Variants in RBMS1 observed in about 807,000 individuals in gnomAD.
RBMS1 encodes RNA-binding motif, single-stranded-interacting protein 1.
RBMS1 carries 17 observed loss-of-function variants against 62.3 expected under a neutral mutation model. That is an observed-to-expected ratio of 0.27 (90% CI 0.19 to 0.41). RBMS1 has a LOEUF of 0.41. RBMS1 is among the 10% of genes least tolerant of loss of function. The probability of loss-of-function intolerance (pLI) is 1.00; values close to 1 mark genes in which losing one functional copy is unlikely to be tolerated. For missense variants in RBMS1, 334 were observed against 504.5 expected (o/e 0.66, Z 3.24); for synonymous variants, 172 against 170.0 (o/e 1.01, Z -0.09).
At chr2:160,376,039 G>GT (rs1326615853) in intron 1 of RBMS1, among the ~76,000 whole-genome samples, 3 of 152,028 alleles carry the variant, frequency 2.0e-5, no homozygotes, top group Non-Finnish European at 1.5e-5. Flanking sequence ...CCTCCCAGCT[G>GT]TTTTTTAAAG....
intron 1 of RBMS1, among the ~76,000 whole-genome samples, chr2:160,465,097 A>T (rs527561786): frequency 6.6e-6 from 1 of 152,350 alleles, no homozygotes; most frequent in African/African-American, 2.4e-5. Context: ...AATCACCATG[A>T]CAAAAAGTCA....
chr2:160,354,806 A>G (rs2106009951), intron 2 of RBMS1, among the ~76,000 whole-genome samples: 1 of 152,240 alleles, frequency 6.6e-6, no homozygotes, highest in Non-Finnish European at 1.5e-5. Context: ...CCCTTAAGCA[A>G]TTTAGACAAG....
Position 160,493,322 on chromosome 2 carries a change from G to A in RBMS1, c.42C>T (p.Ala14=). Reference sequence around the variant, plus strand: ...GCAGATACTGGGGGTAATAGTAGGTGGCGTACTGAGGGTACATCTGCTGTT... The same window carrying A: ...GCAGATACTGGGGGTAATAGTAGGTAGCGTACTGAGGGTACATCTGCTGTT... ...VWKQQMYPQY[A]TYYYPQYLQA... Residue 14 remains alanine (A), a synonymous_variant, in exon 1 of 14, where the codon GCC becomes GCT. Transcript: ENST00000348849. 1 of 1,613,516 alleles carries A rather than the reference G, an allele frequency of 6.2e-7. No individual in the cohort carries two copies. The highest frequency in any genetic ancestry group is 8.5e-7 in the Non-Finnish European group (1 of 1,179,628).
rs74719146 is a variant in RBMS1 at position 160,379,017 on chromosome 2, C to T, written c.76-11626G>A. 1.1e-3 allele frequency among the ~76,000 whole-genome samples: 173 copies of T among 152,206 alleles called. 2 individuals carry two copies. Among genetic ancestry groups the T allele is most frequent in the Non-Finnish European group, 1.9e-3 (126 of 67,982 alleles). On this transcript the variant is annotated intron_variant, in intron 1 of 13. Coordinates refer to ENST00000348849, the MANE Select transcript of RBMS1 (RefSeq NM_016836.4). ...GGCAGACTGTTTGAGATCAGGAGTT[C>T]AAAACCAGCATGGGCAACATGGCAA...
At chr2:160,403,788 G>A (rs754255846) in intron 1 of RBMS1, among the ~76,000 whole-genome samples, 84 of 152,252 alleles carry the variant, frequency 5.5e-4, no homozygotes, top group Non-Finnish European at 7.4e-4. Context: ...TACATGCCAC[G>A]ATGTGCAGAA....
At chr2:160,475,973 C>T (rs562838982) in intron 1 of RBMS1, among the ~76,000 whole-genome samples, 1 of 151,928 alleles carries the variant, frequency 6.6e-6, no homozygotes, top group Non-Finnish European at 1.5e-5. Context: ...CCTCCCGCCT[C>T]AGCCTGTCAT....
chr2:160,434,581 T>A (rs1317698752), intron 1 of RBMS1, among the ~76,000 whole-genome samples: 1 of 152,132 alleles, frequency 6.6e-6, no homozygotes, highest in East Asian at 1.9e-4. Flanking sequence ...ATATTCTACA[T>A]CTGCAGTAAT....
chr2:160,423,218 TTTTTTCTTTCAA>T (rs71003498), intron 1 of RBMS1, among the ~76,000 whole-genome samples: 31,823 of 151,868 alleles, frequency 0.21, 3,902 homozygotes, highest in Admixed American at 0.37. Context: ...TTTCTTTTCT[TTTTTTCTTTCAA>T]TTTTTCTTGG....
chr2:160,363,255 A>C (rs568511145), intron 2 of RBMS1, among the ~76,000 whole-genome samples: 1 of 152,332 alleles, frequency 6.6e-6, no homozygotes, highest in East Asian at 1.9e-4. Context: ...AATCTGTTTA[A>C]GATGATACGC....
At chr2:160,402,097 C>A (rs1010903472) in intron 1 of RBMS1, 2 of 151,108 alleles carry the variant, frequency 1.3e-5, no homozygotes, top group African/African-American at 4.9e-5. Context: ...CCCGCTGTTG[C>A]TTGCTCTGTG....
chr2:160,454,470 G>C (rs1684128955), intron 1 of RBMS1, among the ~76,000 whole-genome samples: 2 of 152,186 alleles, frequency 1.3e-5, no homozygotes, highest in Admixed American at 6.5e-5. Flanking sequence ...TGAGGTCCTG[G>C]GGTACCAGGA....
chr2:160,344,859 C>T (rs1313014766), intron 2 of RBMS1, among the ~76,000 whole-genome samples: 1 of 152,104 alleles, frequency 6.6e-6, no homozygotes, highest in Non-Finnish European at 1.5e-5. Flanking sequence ...GCTTATTAAA[C>T]TGGACCTAGT....
At chr2:160,304,250 C>T (rs887976155) in intron 4 of RBMS1, among the ~76,000 whole-genome samples, 1 of 152,144 alleles carries the variant, frequency 6.6e-6, no homozygotes, top group African/African-American at 2.4e-5. Flanking sequence ...AGCTTTCCTA[C>T]TTAAGCAGTG....
chr2:160,330,207 C>T (rs1318109049), intron 2 of RBMS1, among the ~76,000 whole-genome samples: 1 of 152,008 alleles, frequency 6.6e-6, no homozygotes, highest in Admixed American at 6.5e-5. Flanking sequence ...GATGAAGAAA[C>T]CTGGGAAGAT....
intron 1 of RBMS1, among the ~76,000 whole-genome samples, chr2:160,455,634 A>G (rs1399106389): frequency 1.3e-5 from 2 of 151,962 alleles, no homozygotes; most frequent in African/African-American, 4.8e-5. Flanking sequence ...GAGAAGGGAG[A>G]GAAAATTATA....
intron 1 of RBMS1, among the ~76,000 whole-genome samples, chr2:160,373,223 T>C (rs2105171393): frequency 6.6e-6 from 1 of 152,314 alleles, no homozygotes; most frequent in Middle Eastern, 3.4e-3. Flanking sequence ...CCCAATATGT[T>C]TCACAATTAA....
chr2:160,375,843 T>G (rs1016586427), intron 1 of RBMS1, among the ~76,000 whole-genome samples: 1 of 151,786 alleles, frequency 6.6e-6, no homozygotes, highest in African/African-American at 2.4e-5. Flanking sequence ...ACACAGAGCC[T>G]TGTGAAGGGG....
At chr2:160,355,811 T>C (rs1339989710) in intron 2 of RBMS1, among the ~76,000 whole-genome samples, 1 of 152,084 alleles carries the variant, frequency 6.6e-6, no homozygotes, top group African/African-American at 2.4e-5. Context: ...GTAGTAACTT[T>C]CTATCTCTCA....
At chr2:160,313,625 C>T (rs1385730018) in intron 3 of RBMS1, among the ~76,000 whole-genome samples, 4 of 151,800 alleles carry the variant, frequency 2.6e-5, no homozygotes, top group Non-Finnish European at 4.4e-5. Flanking sequence ...TTTAATGATT[C>T]GGTAAGAAAG....
Sources: allele counts gnomAD v4.1 joint callset (sites outside exome capture counted in the v4.1 genomes callset), GRCh38; gene constraint gnomAD v4.1.1; transcripts MANE v1.5; gene names NCBI Gene and HGNC (gene_info 2026-07-23, HGNC 2026-07-21).